Variants in PTPN13 observed in about 807,000 individuals in gnomAD.
The protein encoded by PTPN13 is protein tyrosine phosphatase non-receptor type 13.
A neutral mutation model predicts 284.0 loss-of-function variants in PTPN13; 191 were observed. The observed-to-expected ratio is 0.67, with a 90% confidence interval of 0.60 to 0.76. The LOEUF is 0.76. PTPN13 is among the 30% of genes least tolerant of loss of function. The probability of loss-of-function intolerance (pLI) is 0.00; values close to 1 mark genes in which losing one functional copy is unlikely to be tolerated. For missense variants in PTPN13, 2,797 were observed against 2,939.9 expected (o/e 0.95, Z 1.12); for synonymous variants, 986 against 1,022.3 (o/e 0.96, Z 0.68).
intron 14 of PTPN13, among the ~76,000 whole-genome samples, 170 bp from the exon 15 acceptor site, chr4:86,735,424 G>T (rs569088920): frequency 1.3e-5 from 2 of 152,246 alleles, no homozygotes; most frequent in African/African-American, 4.8e-5. Context: ...TTATCTCACT[G>T]AATAGAAAAG....
chr4:86,754,462 A>G (rs777162818), intron 20 of PTPN13, among the ~76,000 whole-genome samples: 2 of 152,056 alleles, frequency 1.3e-5, no homozygotes, highest in Non-Finnish European at 2.9e-5. Context: ...TTTAATGCCC[A>G]CAACAACCCT....
intron 1 of PTPN13, among the ~76,000 whole-genome samples, chr4:86,630,670 T>C (rs1722373652): frequency 6.6e-6 from 1 of 152,160 alleles, no homozygotes; most frequent in African/African-American, 2.4e-5. Flanking sequence ...CTCAAACTAG[T>C]GGCATACACA....
In PTPN13 at chr4:86,795,650, C is replaced by T. The variant is rs112812237; in HGVS notation, c.6346-1224C>T. 1.3e-3 allele frequency among the ~76,000 whole-genome samples: 198 copies of T among 152,196 alleles called. 2 individuals carry two copies. The highest frequency in any genetic ancestry group is 4.5e-3 in the African/African-American group (185 of 41,534). ...ACATGAAACCAACCCAAATGTCCAT[C>T]GATGATAGACTGAATAAAGAAAATG... is the stretch of plus-strand genomic sequence containing the variant. On this transcript the variant is annotated intron_variant, in intron 40 of 47. Transcript: ENST00000411767.
intron 12 of PTPN13, among the ~76,000 whole-genome samples, chr4:86,733,038 G>A (rs181001379): frequency 7.2e-4 from 109 of 151,992 alleles, no homozygotes; most frequent in East Asian, 6.9e-3. Flanking sequence ...TTTAGGGACC[G>A]TTTTATATGT....
Position 86,772,861 on chromosome 4 carries a change from A to T in PTPN13, c.5252A>T (p.Asp1751Val). The change falls in exon 32 of 48, where the codon GAT becomes GTT. Residue 1751 changes from aspartate to valine, a missense_variant. Transcript: ENST00000411767. ...GAATCTGCTTCCTCTAGTTCGATGG[A>T]TAAGTATCATATACATCACATTTCT... ...QSESASSSSMDKYHIHHISEP... is the reference protein window; with the variant it reads ...QSESASSSSMVKYHIHHISEP... 2 of 1,613,002 alleles carry T rather than the reference A, an allele frequency of 1.2e-6. No homozygotes were observed. The highest frequency in any genetic ancestry group is 1.7e-6 in the Non-Finnish European group (2 of 1,179,096).
chr4:86,641,319 C>A (rs547398144), intron 2 of PTPN13, among the ~76,000 whole-genome samples: 1 of 151,960 alleles, frequency 6.6e-6, no homozygotes, highest in African/African-American at 2.4e-5. Context: ...AAAATGCTTT[C>A]TTGTCAATGG....
intron 14 of PTPN13, 56 bp downstream of exon 14, chr4:86,734,931 A>G (rs1283566749): frequency 3.8e-6 from 6 of 1,563,426 alleles, no homozygotes; most frequent in Non-Finnish European, 4.4e-6. Flanking sequence ...TACCTTTAAC[A>G]TAGTTAATGA....
intron 2 of PTPN13, among the ~76,000 whole-genome samples, chr4:86,642,826 CT>C (rs1020345204): frequency 6.6e-6 from 1 of 152,032 alleles, no homozygotes; most frequent in African/African-American, 2.4e-5. Context: ...AAGATTTTAG[CT>C]TTTATATCAT....
Position 86,805,308 on chromosome 4 carries a change from G to T in PTPN13, c.6684G>T (p.Gln2228His), listed in dbSNP as rs61750817. Residue 2228 changes from glutamine to histidine, a missense_variant, in exon 44 of 48, where the codon CAG becomes CAT. By Grantham distance (24) the Gln-to-His change is conservative. Coordinates refer to ENST00000411767, the MANE Select transcript of PTPN13 (RefSeq NM_080683.3). ...ENLQELKPLD[Q>H]CLIGQTKENR... Reference sequence around the variant, plus strand: ...TTCAAGAATTAAAACCTTTGGATCAGTGTCTAATTGGGCAAACTAAGGAAA... The same window carrying T: ...TTCAAGAATTAAAACCTTTGGATCATTGTCTAATTGGGCAAACTAAGGAAA... 1 of 1,599,566 alleles carries T rather than the reference G, an allele frequency of 6.3e-7. No homozygotes were observed. The highest frequency in any genetic ancestry group is 1.7e-5 in the Admixed American group (1 of 59,030).
In PTPN13 at chr4:86,701,531, G is replaced by A. The variant is rs560464621; in HGVS notation, c.925G>A (p.Ala309Thr). 2.4e-4 allele frequency: 387 copies of A among 1,613,988 alleles called. 4 individuals carry two copies. In the South Asian group the frequency reaches 3.7e-3, roughly 15 times the overall value. The change falls in exon 7 of 48, where the codon GCT (alanine) becomes ACT (threonine). Residue 309 changes from alanine (A) to threonine (T), a missense_variant. Coordinates refer to ENST00000411767, the MANE Select transcript of PTPN13 (RefSeq NM_080683.3). ...TTCATCCATGGACTTGCTTTGTACAGCTGACAGAGACTTCTCTTCAGGAGA... is the reference window on the plus strand; with the variant it reads ...TTCATCCATGGACTTGCTTTGTACAACTGACAGAGACTTCTCTTCAGGAGA... ...WASSMDLLCT[A>T]DRDFSSGETA...
chr4:86,595,423 A>T (rs1341714892), intron 1 of PTPN13, among the ~76,000 whole-genome samples: 1 of 152,134 alleles, frequency 6.6e-6, no homozygotes, highest in Admixed American at 6.5e-5. Context: ...CTGTAAGAGC[A>T]GACAGCTGGG....
chr4:86,704,584 C>T (rs1466589132), intron 7 of PTPN13, among the ~76,000 whole-genome samples: 3 of 152,038 alleles, frequency 2.0e-5, no homozygotes, highest in Admixed American at 1.3e-4. Flanking sequence ...CTTGTAGAGC[C>T]TTATTTGTTC....
At chr4:86,647,774 G>A (rs747633994) in intron 2 of PTPN13, among the ~76,000 whole-genome samples, 17 of 152,092 alleles carry the variant, frequency 1.1e-4, no homozygotes, top group Non-Finnish European at 2.5e-4. Context: ...AAATTAGGAC[G>A]TAAACACATA....
intron 2 of PTPN13, among the ~76,000 whole-genome samples, chr4:86,655,231 G>A (rs192872023): frequency 6.6e-6 from 1 of 152,162 alleles, no homozygotes; most frequent in African/African-American, 2.4e-5. Context: ...TGAGTATTTA[G>A]CCCATTTACA....
At chr4:86,656,678 C>T (rs911175316) in intron 2 of PTPN13, among the ~76,000 whole-genome samples, 1 of 152,192 alleles carries the variant, frequency 6.6e-6, no homozygotes, top group East Asian at 1.9e-4. Flanking sequence ...GGTCAGGGAC[C>T]CACTTGAGGA....
rs977720137 is a variant in PTPN13 at position 86,692,206 on chromosome 4, G to A, written c.547-1381G>A. On this transcript the variant is annotated intron_variant, in intron 5 of 47. Coordinates refer to ENST00000411767, the MANE Select transcript of PTPN13 (RefSeq NM_080683.3). ...GTTCAATAAACAACAGTTATTAATA[G>A]TAACTAACTTCAATGCAGGAATTTT... 2.0e-5 allele frequency among the ~76,000 whole-genome samples: 3 copies of A among 152,166 alleles called. No homozygotes were observed. The East Asian group carries it at 5.8e-4, about 29-fold the overall frequency.
intron 14 of PTPN13, 97 bp from the exon 15 acceptor site, chr4:86,735,497 T>C: frequency 3.1e-6 from 4 of 1,298,292 alleles, no homozygotes; most frequent in Non-Finnish European, 4.3e-6. Flanking sequence ...TAGAAGTACT[T>C]CATCTCTTAG....
intron 10 of PTPN13, among the ~76,000 whole-genome samples, chr4:86,726,288 T>A (rs1734242033): frequency 6.7e-6 from 1 of 149,460 alleles, no homozygotes; most frequent in South Asian, 2.1e-4. Context: ...CTTAGGATTG[T>A]CTTGGCTATG....
chr4:86,738,673 T>G (rs1735801702), intron 15 of PTPN13, among the ~76,000 whole-genome samples: 1 of 152,162 alleles, frequency 6.6e-6, no homozygotes, highest in African/African-American at 2.4e-5. Flanking sequence ...TGGCTTGCCT[T>G]ACATTTTCTT....
Sources: allele counts gnomAD v4.1 joint callset (sites outside exome capture counted in the v4.1 genomes callset), GRCh38; gene constraint gnomAD v4.1.1; transcripts MANE v1.5; gene names NCBI Gene and HGNC (gene_info 2026-07-23, HGNC 2026-07-21).